MARCHF6: variants seen among roughly 807,000 people sequenced by gnomAD.
The protein encoded by MARCHF6 is E3 ubiquitin-protein ligase MARCHF6.
Under a neutral mutation model 133.7 loss-of-function variants are expected in MARCHF6, and 31 were observed. The observed-to-expected ratio is 0.23, with a 90% CI of 0.17 to 0.31. The LOEUF (loss-of-function observed/expected upper bound fraction) is 0.31. Among genes scored for constraint, MARCHF6 ranks in the 10% least tolerant of loss-of-function variants. MARCHF6 has a pLI of 1.00. For missense variants in MARCHF6, 723 were observed against 1,121.6 expected (o/e 0.64, Z 5.08); for synonymous variants, 395 against 402.5 (o/e 0.98, Z 0.22).
In MARCHF6 at chr5:10,438,260, C is replaced by T. The variant is rs549075168; in HGVS notation, c.*4576C>T. ...GTCCCAGATAAAAAGGAAAGACTTG[C>T]GTGATGTTTTTTTCCTTCTGAGTGC... On this transcript the variant is annotated 3_prime_UTR_variant, in exon 26 of 26. Transcript: ENST00000274140. 1 of 152,298 alleles carries T rather than the reference C, an allele frequency of 6.6e-6. No homozygotes were observed. The highest frequency in any genetic ancestry group is 1.9e-4 in the East Asian group (1 of 5,194). 9.4% of individuals were successfully genotyped at this position (152,298 alleles called of 1,614,324 possible).
chr5:10,365,359 G>A (rs1443484421), intron 1 of MARCHF6, among the ~76,000 whole-genome samples: 2 of 151,856 alleles, frequency 1.3e-5, no homozygotes, highest in South Asian at 2.1e-4. Flanking sequence ...GGAGTACAAT[G>A]GCACGATCTT....
chr5:10,405,204 C>T (rs1025949377), intron 15 of MARCHF6, among the ~76,000 whole-genome samples: 2 of 152,106 alleles, frequency 1.3e-5, no homozygotes, highest in Non-Finnish European at 2.9e-5. Context: ...CAAATCAGAC[C>T]GTCTATTTAG....
intron 1 of MARCHF6, among the ~76,000 whole-genome samples, chr5:10,375,804 G>T (rs1362255356): frequency 1.3e-5 from 2 of 152,008 alleles, no homozygotes; most frequent in African/African-American, 4.8e-5. Flanking sequence ...TACACCAATC[G>T]GCACTCTGTA....
At chr5:10,356,946 TATTAA>T (rs1189735570) in intron 1 of MARCHF6, among the ~76,000 whole-genome samples, 1 of 152,220 alleles carries the variant, frequency 6.6e-6, no homozygotes, top group Non-Finnish European at 1.5e-5. Context: ...GTTTCTTCAG[TATTAA>T]ATTAATTTTT....
At chr5:10,408,988 T>TA (rs1420429748) in intron 17 of MARCHF6, among the ~76,000 whole-genome samples, 13 of 152,166 alleles carry the variant, frequency 8.5e-5, no homozygotes, top group African/African-American at 3.1e-4. Context: ...TTTTTTAATT[T>TA]AAAAAAATAT....
intron 25 of MARCHF6, among the ~76,000 whole-genome samples, chr5:10,430,261 G>A (rs1260384874): frequency 4.0e-5 from 6 of 150,864 alleles, no homozygotes; most frequent in Admixed American, 4.0e-4. Flanking sequence ...GAAAAGACTG[G>A]GTGAAACTGT....
intron 22 of MARCHF6, among the ~76,000 whole-genome samples, chr5:10,420,496 A>G (rs1211687556): frequency 6.6e-6 from 1 of 152,222 alleles, no homozygotes; most frequent in Non-Finnish European, 1.5e-5. Context: ...GTACTGCTGC[A>G]AATGGGACAA....
At chr5:10,425,223 G>A (rs1263503507) in intron 23 of MARCHF6, among the ~76,000 whole-genome samples, 1 of 152,196 alleles carries the variant, frequency 6.6e-6, no homozygotes, top group Non-Finnish European at 1.5e-5. Context: ...ATTGCAGTGT[G>A]TTTGTGTGTG....
At chr5:10,432,396 CA>C (rs1423412531) in intron 25 of MARCHF6, among the ~76,000 whole-genome samples, 2 of 152,248 alleles carry the variant, frequency 1.3e-5, no homozygotes, top group Admixed American at 1.3e-4. Flanking sequence ...CTCCTTCACT[CA>C]ACTCTGTGGG....
At chr5:10,423,266 C>G (rs1307415319) in intron 22 of MARCHF6, among the ~76,000 whole-genome samples, 1 of 152,018 alleles carries the variant, frequency 6.6e-6, no homozygotes, top group Admixed American at 6.6e-5. Flanking sequence ...TGAGGAGGAA[C>G]CTAGTAACAG....
chr5:10,417,192 G>C, intron 21 of MARCHF6, 78 bp from the exon 22 acceptor site: 1 of 1,537,114 alleles, frequency 6.5e-7, no homozygotes, highest in South Asian at 1.3e-5. Context: ...TTAGGCATCA[G>C]TCTCAAACCT....
chr5:10,434,036 C>T lies in MARCHF6; in HGVS notation c.*352C>T, dbSNP rs1740491704. ...GCTGTGATCTCGACAGGAAACGTGC[C>T]ACAGAGCAGTAGTGCGCAGGCAAGA... On this transcript the variant is annotated 3_prime_UTR_variant, in exon 26 of 26. Transcript: ENST00000274140. 1 of 252,416 alleles carries T rather than the reference C, an allele frequency of 4.0e-6. No individual in the cohort carries two copies. Among genetic ancestry groups the T allele is most frequent in the Admixed American group, 5.1e-5 (1 of 19,510 alleles). 15.6% of individuals were successfully genotyped at this position (252,416 alleles called of 1,614,324 possible). A position where few individuals can be genotyped will look rare whatever the true frequency, so the allele number is the denominator to read the frequency against.
At chr5:10,381,539 G>T (rs188530779) in intron 3 of MARCHF6, among the ~76,000 whole-genome samples, 1 of 152,282 alleles carries the variant, frequency 6.6e-6, no homozygotes, top group Admixed American at 6.5e-5. Context: ...ATGGCTATTA[G>T]CAAGGGATGT....
chr5:10,370,685 TTA>T (rs1491177012), intron 1 of MARCHF6, among the ~76,000 whole-genome samples: 1 of 152,222 alleles, frequency 6.6e-6, no homozygotes, highest in East Asian at 1.9e-4. Context: ...GATTTTTTTT[TTA>T]GTTTTCTTAC....
chr5:10,402,645 TA>T, intron 14 of MARCHF6, 38 bp downstream of exon 14: 1 of 1,503,158 alleles, frequency 6.7e-7, no homozygotes, highest in Non-Finnish European at 9.2e-7. Context: ...TAGCATAATT[TA>T]AGGGCTTCAA....
At chr5:10,368,648 C>A (rs925282292) in intron 1 of MARCHF6, among the ~76,000 whole-genome samples, 1 of 152,098 alleles carries the variant, frequency 6.6e-6, no homozygotes, top group African/African-American at 2.4e-5. Context: ...GGCGTCATCT[C>A]GGTTTGCTGC....
At chr5:10,398,431 T>A (rs1738317726) in intron 10 of MARCHF6, among the ~76,000 whole-genome samples, 1 of 152,048 alleles carries the variant, frequency 6.6e-6, no homozygotes, top group Non-Finnish European at 1.5e-5. Flanking sequence ...TTCCATTGAT[T>A]TCTTAATTTT....
At chr5:10,402,192 A>G (rs1738581358) in intron 12 of MARCHF6, 53 bp downstream of exon 12, 1 of 1,252,064 alleles carries the variant, frequency 8.0e-7, no homozygotes, top group Admixed American at 1.9e-5. Flanking sequence ...CATACCAAAG[A>G]ACTCTTCATT....
intron 10 of MARCHF6, among the ~76,000 whole-genome samples, chr5:10,398,828 T>C (rs1197857254): frequency 6.6e-6 from 1 of 152,214 alleles, no homozygotes; most frequent in Non-Finnish European, 1.5e-5. Context: ...TTAGAATCTT[T>C]TGGAATCTTT....
Sources: allele counts gnomAD v4.1 joint callset (sites outside exome capture counted in the v4.1 genomes callset), GRCh38; gene constraint gnomAD v4.1.1; transcripts MANE v1.5; gene names NCBI Gene and HGNC (gene_info 2026-07-23, HGNC 2026-07-21).